MEGF11: variants seen among roughly 807,000 people sequenced by gnomAD.
The protein encoded by MEGF11 is multiple epidermal growth factor-like domains protein 11.
A neutral mutation model predicts 146.6 loss-of-function variants in MEGF11; 126 were observed. The ratio of observed to expected loss-of-function variants is 0.86; its 90% CI spans 0.74 to 1.00. The LOEUF is 1.00. Ranked by LOEUF, MEGF11 falls within the 50% of genes least tolerant of loss-of-function variation. The pLI is 0.00. For synonymous variants in MEGF11, 532 were observed against 583.4 expected, an observed-to-expected ratio of 0.91 and a Z score of 1.27; for missense variants, 1,509 against 1,521.2, an observed-to-expected ratio of 0.99 and a Z score of 0.13.
intron 10 of MEGF11, among the ~76,000 whole-genome samples, chr15:65,939,111 T>G (rs1043606049): frequency 6.6e-6 from 1 of 152,206 alleles, no homozygotes; most frequent in African/African-American, 2.4e-5. Context: ...AAATATGCTC[T>G]GTGGGTAGGA....
At chr15:66,231,986 C>T (rs1364420444) in intron 1 of MEGF11, among the ~76,000 whole-genome samples, 1 of 152,224 alleles carries the variant, frequency 6.6e-6, no homozygotes, top group East Asian at 1.9e-4. Flanking sequence ...GCCCATTTTA[C>T]AGATGGTCAA....
chr15:65,993,092 A>G (rs2141777160), intron 5 of MEGF11, among the ~76,000 whole-genome samples: 2 of 152,296 alleles, frequency 1.3e-5, no homozygotes, highest in African/African-American at 4.8e-5. Flanking sequence ...GATGCCACCT[A>G]CCTGCGCTCC....
At chr15:66,106,045 G>A (rs147515129) in intron 4 of MEGF11, among the ~76,000 whole-genome samples, 32 of 152,300 alleles carry the variant, frequency 2.1e-4, no homozygotes, top group African/African-American at 7.0e-4. Context: ...CCAGGTCTGC[G>A]TCCATTGTGG....
intron 4 of MEGF11, among the ~76,000 whole-genome samples, chr15:66,110,124 G>C (rs896533269): frequency 2.0e-5 from 3 of 152,152 alleles, no homozygotes; most frequent in Non-Finnish European, 2.9e-5. Context: ...TGGAACAGGA[G>C]GAATCCAACA....
At chr15:65,964,584 A>G (rs2080990032) in intron 9 of MEGF11, among the ~76,000 whole-genome samples, 1 of 152,200 alleles carries the variant, frequency 6.6e-6, no homozygotes, top group African/African-American at 2.4e-5. Flanking sequence ...CCCCAGGGTC[A>G]TGCAGCTGTG....
intron 5 of MEGF11, among the ~76,000 whole-genome samples, chr15:66,049,069 G>GC (rs1487578144): frequency 6.6e-6 from 1 of 152,166 alleles, no homozygotes; most frequent in African/African-American, 2.4e-5. Context: ...GGGGGAGGCA[G>GC]CCACAGTGCC....
intron 5 of MEGF11, among the ~76,000 whole-genome samples, chr15:66,090,244 G>A (rs550742757): frequency 4.6e-5 from 7 of 152,120 alleles, no homozygotes; most frequent in Non-Finnish European, 1.0e-4. Context: ...GCAGGGTAGG[G>A]GCAGGGAGTT....
chr15:66,164,678 C>T (rs1035566880), intron 1 of MEGF11, among the ~76,000 whole-genome samples: 1 of 152,220 alleles, frequency 6.6e-6, no homozygotes, highest in East Asian at 1.9e-4. Context: ...AATCCCAATT[C>T]TTGGCCAGCC....
At chr15:66,107,059 C>CGCCCCT (rs762104709) in intron 4 of MEGF11, among the ~76,000 whole-genome samples, 4 of 141,134 alleles carry the variant, frequency 2.8e-5, no homozygotes, top group African/African-American at 1.1e-4. Flanking sequence ...TTCCTACCCC[C>CGCCCCT]CCACCAGGTA....
intron 16 of MEGF11, 132 bp downstream of exon 16, chr15:65,917,834 C>T (rs2079051098): frequency 5.9e-6 from 6 of 1,010,400 alleles, no homozygotes; most frequent in Middle Eastern, 2.1e-4. Context: ...CTAAATGGGG[C>T]TCATTCCTAC....
At chr15:65,934,479 G>A (rs187706102) in intron 10 of MEGF11, among the ~76,000 whole-genome samples, 87 of 152,232 alleles carry the variant, frequency 5.7e-4, no homozygotes, top group African/African-American at 2.1e-3. Context: ...TCGAACTCCC[G>A]ACCTCAGGTG....
chr15:66,089,764 CTCAA>C (rs1328865075), intron 5 of MEGF11, among the ~76,000 whole-genome samples: 1 of 152,184 alleles, frequency 6.6e-6, no homozygotes, highest in African/African-American at 2.4e-5. Context: ...ATGTTTCTAT[CTCAA>C]TCATTGTCAG....
At chr15:65,912,245 T>G in intron 20 of MEGF11, 45 bp from the exon 21 acceptor site, 1 of 1,121,116 alleles carries the variant, frequency 8.9e-7, no homozygotes, top group Non-Finnish European at 1.1e-6. Flanking sequence ...CCCCTGCCCC[T>G]GGCATGAGAT....
chr15:66,042,793 T>A (rs1292153678), intron 5 of MEGF11, among the ~76,000 whole-genome samples: 1 of 152,204 alleles, frequency 6.6e-6, no homozygotes, highest in Non-Finnish European at 1.5e-5. Context: ...CCCATTTGCA[T>A]GTCTTTACAC....
At chr15:66,088,057 C>A (rs1354342706) in intron 5 of MEGF11, among the ~76,000 whole-genome samples, 2 of 152,160 alleles carry the variant, frequency 1.3e-5, no homozygotes, top group African/African-American at 2.4e-5. Flanking sequence ...CCTTTATGCA[C>A]ATAAACTACA....
rs60969648 is a variant in MEGF11, at chr15:65,902,852, A to T, written c.3055+3233T>A. On this transcript the variant is annotated intron_variant, in intron 24 of 25. Coordinates refer to ENST00000395614, the MANE Select transcript of MEGF11 (RefSeq NM_001385028.1). ...ATGAACTAAACATTTTCATTTTATA[A>T]AGGGAGCATCAAATCTAGAGAGAGG... Among the ~76,000 whole-genome samples, 698 of 152,250 alleles carry T rather than the reference A, an allele frequency of 4.6e-3. 7 individuals carry two copies. Among genetic ancestry groups the T allele is most frequent in the African/African-American group, 0.016 (675 of 41,536 alleles).
chr15:66,060,416 T>C (rs2084853751), intron 5 of MEGF11, among the ~76,000 whole-genome samples: 1 of 152,244 alleles, frequency 6.6e-6, no homozygotes, highest in South Asian at 2.1e-4. Context: ...AGTACCCAGC[T>C]ACTGCTGCTC....
At chr15:65,913,688 A>C in intron 20 of MEGF11, 49 bp downstream of exon 20, 2 of 1,461,150 alleles carry the variant, frequency 1.4e-6, no homozygotes, top group African/African-American at 1.4e-5. Flanking sequence ...TTCCTGGGGT[A>C]TGTGTGTGTG....
intron 1 of MEGF11, among the ~76,000 whole-genome samples, chr15:66,198,224 C>T (rs1177742251): frequency 1.3e-5 from 2 of 152,196 alleles, no homozygotes; most frequent in African/African-American, 4.8e-5. Flanking sequence ...CATAGACAAA[C>T]GTTCAACAGA....
Sources: gnomAD v4.1 joint callset for allele counts (sites outside exome capture counted in the v4.1 genomes callset) on GRCh38, gnomAD v4.1.1 for gene constraint, MANE v1.5 for transcripts, NCBI Gene and HGNC (gene_info 2026-07-23, HGNC 2026-07-21) for gene names.